Variants in EIF5B observed in about 807,000 individuals in gnomAD.
EIF5B encodes eukaryotic translation initiation factor 5B, also known as eIF-5B.
EIF5B carries 47 observed loss-of-function variants against 147.5 expected under a neutral mutation model. The ratio of observed to expected loss-of-function variants is 0.32; its 90% confidence interval spans 0.25 to 0.41. EIF5B has a LOEUF of 0.41. Among genes scored for constraint, EIF5B ranks in the 10% least tolerant of loss-of-function variants. EIF5B has a pLI of 1.00. For synonymous variants in EIF5B, 455 were observed against 456.2 expected, an observed-to-expected ratio of 1.00 and a Z score of 0.03; for missense variants, 1,064 against 1,413.2, an observed-to-expected ratio of 0.75 and a Z score of 3.96.
Position 99,390,384 on chromosome 2 carries a change from A to G in EIF5B, c.2569A>G (p.Arg857Gly). 6.2e-7 allele frequency: 1 copy of G among 1,612,992 alleles called. No homozygotes were observed. The change falls in exon 16 of 24, where the codon AGA becomes GGA. Residue 857 changes from arginine (R) to glycine (G), a missense_variant. Around this residue, in one of 4 missense-constraint regions of EIF5B, gnomAD observed 380 missense variants for 715.6 expected, o/e 0.53. Transcript: ENST00000289371. ...GAGACTTGCACACTGTGAAGAGCTG[A>G]GAGCACAGGTGATGGAGGTAATGAT... is the stretch of plus-strand genomic sequence containing the variant. The part of the protein sequence containing the change: ...SKRLAHCEEL[R>G]AQVMEVKALP...
At chr2:99,397,399 A>G (rs1675076907) in intron 22 of EIF5B, 1 of 151,720 alleles carries the variant, frequency 6.6e-6, no homozygotes, top group African/African-American at 2.4e-5. Context: ...TGTTTTGGTA[A>G]CTCTCCCCAC....
chr2:99,394,089 A>G (rs1364713147), intron 18 of EIF5B, among the ~76,000 whole-genome samples, 178 bp from the exon 19 acceptor site: 1 of 152,228 alleles, frequency 6.6e-6, no homozygotes, highest in East Asian at 1.9e-4. Flanking sequence ...CAGTTAGGGT[A>G]TGGCCCCGAA....
In EIF5B at chr2:99,369,379, G is replaced by T; in HGVS notation, c.1388-13G>T. ...CAAAAAAAATATTATCTTGGTTTCTGCCCCTTTTTCAGTGTCTGAATCAAT... is the reference window on the plus strand; with the variant it reads ...CAAAAAAAATATTATCTTGGTTTCTTCCCCTTTTTCAGTGTCTGAATCAAT... On this transcript the variant is annotated splice_polypyrimidine_tract_variant and intron_variant, in intron 7 of 23. Transcript: ENST00000289371. The T allele has an allele frequency of 6.3e-7, 1 of 1,597,750 alleles. No homozygotes were observed. Among genetic ancestry groups the T allele is most frequent in the East Asian group, 2.2e-5 (1 of 44,536 alleles).
chr2:99,396,589 G>C (rs1040344633), intron 21 of EIF5B, among the ~76,000 whole-genome samples, 171 bp from the exon 22 acceptor site: 26 of 152,190 alleles, frequency 1.7e-4, no homozygotes, highest in African/African-American at 5.5e-4. Context: ...AGGAAGAAGC[G>C]CTCTGGGCAT....
rs1308438927 is a variant in EIF5B, at chr2:99,376,768, A to G, written c.1842+132A>G. ...AATAGAACACCGTTCAGTTTTTGTA[A>G]TGTTGAAATATTACTGGCCTTTGAT... On this transcript the variant is annotated intron_variant, in intron 10 of 23. Transcript: ENST00000289371. 4.4e-6 allele frequency: 6 copies of G among 1,365,722 alleles called. No homozygotes were observed. The East Asian group carries it at 7.8e-5, about 18-fold the overall frequency. 84.6% of individuals were successfully genotyped at this position (1,365,722 alleles called of 1,614,324 possible). A position where few individuals can be genotyped will look rare whatever the true frequency, so the allele number is the denominator to read the frequency against.
chr2:99,378,603 T>C (rs2104221653), intron 10 of EIF5B, among the ~76,000 whole-genome samples: 1 of 152,336 alleles, frequency 6.6e-6, no homozygotes, highest in East Asian at 1.9e-4. Context: ...TAGGTTCCAG[T>C]GAATTTTTTA....
At chr2:99,362,259 A>G (rs1247326340) in intron 4 of EIF5B, among the ~76,000 whole-genome samples, 1 of 152,228 alleles carries the variant, frequency 6.6e-6, no homozygotes, top group Non-Finnish European at 1.5e-5. Context: ...CTTAAAACTC[A>G]ACATGCTAAA....
chr2:99,381,518 G>GGTGTGT (rs56686088), intron 12 of EIF5B, among the ~76,000 whole-genome samples: 9,022 of 142,974 alleles, frequency 0.063, 362 homozygotes, highest in African/African-American at 0.11. Flanking sequence ...ACAAAAAGGG[G>GGTGTGT]GTGTGTGTGT....
At chr2:99,373,694 G>A (rs1209544316) in intron 9 of EIF5B, among the ~76,000 whole-genome samples, 1 of 152,096 alleles carries the variant, frequency 6.6e-6, no homozygotes, top group Non-Finnish European at 1.5e-5. Flanking sequence ...TTCATTAAAT[G>A]TAACATTTGG....
At chr2:99,338,356 T>C in intron 1 of EIF5B, 1 of 1,288,744 alleles carries the variant, frequency 7.8e-7, no homozygotes, top group Non-Finnish European at 1.0e-6. Flanking sequence ...CACATTCGAT[T>C]GAGTTCTGTT....
intron 6 of EIF5B, among the ~76,000 whole-genome samples, chr2:99,368,207 T>TG: frequency 6.6e-6 from 1 of 152,346 alleles, no homozygotes; most frequent in South Asian, 2.1e-4. Context: ...AAGGAGGGTT[T>TG]GATTACATGG....
In EIF5B at chr2:99,401,184, T is replaced by C; in HGVS notation, c.*1770T>C. ...GCATTACTATCATGCACTTTGCAAATACCTCACAAGCACTTATGGCACAGC... is the reference window on the plus strand; with the variant it reads ...GCATTACTATCATGCACTTTGCAAACACCTCACAAGCACTTATGGCACAGC... On this transcript the variant is annotated 3_prime_UTR_variant, in exon 24 of 24. Transcript: ENST00000289371. 9.5e-7 allele frequency: 1 copy of C among 1,050,608 alleles called. No homozygotes were observed. Among genetic ancestry groups the C allele is most frequent in the Non-Finnish European group, 1.5e-6 (1 of 676,514 alleles). The allele number at this position is 1,050,608 out of a possible 1,614,324, so 65.1% of individuals were successfully genotyped here.
intron 14 of EIF5B, among the ~76,000 whole-genome samples, chr2:99,384,425 G>T (rs574578267): frequency 6.6e-6 from 1 of 152,104 alleles, no homozygotes; most frequent in African/African-American, 2.4e-5. Flanking sequence ...TGTTGTTTTC[G>T]TGCCTGCTAA....
At chr2:99,353,588 C>T (rs563501830) in intron 1 of EIF5B, among the ~76,000 whole-genome samples, 1 of 152,264 alleles carries the variant, frequency 6.6e-6, no homozygotes, top group South Asian at 2.1e-4. Flanking sequence ...ATGTGTAGGT[C>T]TGTATATCCA....
At chr2:99,338,350 T>G in intron 1 of EIF5B, 2 of 1,288,892 alleles carry the variant, frequency 1.6e-6, no homozygotes, top group Non-Finnish European at 2.0e-6. Flanking sequence ...GTGTGTCACA[T>G]TCGATTGAGT....
At chr2:99,390,792 G>A in intron 17 of EIF5B, 87 bp downstream of exon 17, 2 of 1,425,698 alleles carry the variant, frequency 1.4e-6, no homozygotes, top group Non-Finnish European at 1.9e-6. Flanking sequence ...TTTGAAAGCT[G>A]TTTGACTTAA....
intron 1 of EIF5B, among the ~76,000 whole-genome samples, chr2:99,347,196 G>T (rs1022237279): frequency 2.6e-5 from 4 of 151,912 alleles, no homozygotes; most frequent in African/African-American, 9.7e-5. Context: ...TAGTAGAGAT[G>T]AGGTCTTGGT....
intron 1 of EIF5B, among the ~76,000 whole-genome samples, chr2:99,343,060 A>T (rs946067527): frequency 2.0e-5 from 3 of 151,234 alleles, no homozygotes; most frequent in African/African-American, 7.3e-5. Flanking sequence ...TCCTGGATTC[A>T]AGCGATTCTC....
At position 99,360,255 on chromosome 2, in the gene EIF5B, C is replaced by T. The variant is rs374733590; in HGVS notation, c.55C>T (p.Leu19Phe). 6.2e-7 allele frequency: 1 copy of T among 1,603,848 alleles called. No homozygotes were observed. The highest frequency in any genetic ancestry group is 1.7e-5 in the Admixed American group (1 of 58,178). ...SEDSTKDDID[L>F]DALAAEIEGA... ...TTTAAGCACCAAGGATGACATTGATCTTGATGCCTTGGCTGCAGAAATAGA... is the reference window on the plus strand; with the variant it reads ...TTTAAGCACCAAGGATGACATTGATTTTGATGCCTTGGCTGCAGAAATAGA... Residue 19 changes from leucine (L) to phenylalanine (F), a missense_variant, in exon 2 of 24, where the codon CTT (leucine) becomes TTT (phenylalanine). By Grantham distance (22) the Leu-to-Phe change is conservative. Around this residue, in one of 4 missense-constraint regions of EIF5B, gnomAD observed 458 missense variants for 451.3 expected, o/e 1.01. Coordinates refer to ENST00000289371, the MANE Select transcript of EIF5B (RefSeq NM_015904.4).
Sources: allele counts gnomAD v4.1 joint callset (sites outside exome capture counted in the v4.1 genomes callset), GRCh38; gene constraint gnomAD v4.1.1; regional missense constraint gnomAD v4.1.1; transcripts MANE v1.5; gene names NCBI Gene and HGNC (gene_info 2026-07-23, HGNC 2026-07-21).